The following DSE variants were observed in gnomAD, a reference collection of about 807,000 sequenced individuals.
DSE encodes dermatan-sulfate epimerase.
A neutral mutation model predicts 84.4 loss-of-function variants in DSE; 36 were observed. The ratio of observed to expected loss-of-function variants is 0.43; its 90% CI spans 0.33 to 0.56. The LOEUF (loss-of-function observed/expected upper bound fraction) is 0.56. Ranked by LOEUF, DSE falls within the 20% of genes least tolerant of loss-of-function variation. The pLI is 0.06. For missense variants in DSE, 862 were observed against 1,169.6 expected (o/e 0.74, Z 3.84); for synonymous variants, 410 against 430.1 (o/e 0.95, Z 0.58).
chr6:116,436,815 A>G lies in DSE; in HGVS notation c.2347A>G (p.Lys783Glu), dbSNP rs1784189166. ...TGAACGCCTGCTGAGATTTTCAGATAAGAGACAGACTGAGGAGGCCATTGA... is the reference window on the plus strand; with the variant it reads ...TGAACGCCTGCTGAGATTTTCAGATGAGAGACAGACTGAGGAGGCCATTGA... ...TAERLLRFSD[K>E]RQTEEAIDRI... Residue 783 changes from lysine to glutamate, a missense_variant, in exon 6 of 6, where the codon AAG becomes GAG. Lys to Glu is a moderately conservative substitution (Grantham distance 56). This residue lies in a region of DSE where 315 missense variants were observed against 348.1 expected (regional missense o/e 0.90). Transcript: ENST00000644252. 6 of 1,614,056 alleles carry G rather than the reference A, an allele frequency of 3.7e-6. No homozygotes were observed. The highest frequency in any genetic ancestry group is 4.2e-6 in the Non-Finnish European group (5 of 1,180,030).
chr6:116,346,870 C>A (rs1428915968), intron 2 of DSE, among the ~76,000 whole-genome samples: 1 of 152,052 alleles, frequency 6.6e-6, no homozygotes, highest in Non-Finnish European at 1.5e-5. Flanking sequence ...TCTAGAAAAC[C>A]CCATCATCTC....
In DSE at chr6:116,436,300, A is replaced by G. The variant is rs1784148346; in HGVS notation, c.1832A>G (p.Asp611Gly). ...GVHGAFIRQR[D>G]GLYKMYWMDD... ...CATGGGGCTTTCATCAGGCAGAGAG[A>G]TGGTCTCTATAAAATGTACTGGATG... Residue 611 changes from aspartate to glycine, a missense_variant, in exon 6 of 6, where the codon GAT (aspartate) becomes GGT (glycine). Transcript: ENST00000644252. The G allele has an allele frequency of 1.2e-6, 2 of 1,614,000 alleles. No homozygotes were observed. Among genetic ancestry groups the G allele is most frequent in the Admixed American group, 1.7e-5 (1 of 60,002 alleles).
At chr6:116,280,014 C>T (rs749577337) in intron 2 of DSE, 3 of 778,604 alleles carry the variant, frequency 3.9e-6, no homozygotes, top group Non-Finnish European at 6.6e-6. Context: ...TTCCGCCGCT[C>T]CCTGCCAGCC....
At chr6:116,425,615 TTTTA>T (rs1324492746) in intron 2 of DSE, among the ~76,000 whole-genome samples, 7 of 74,660 alleles carry the variant, frequency 9.4e-5, no homozygotes, top group African/African-American at 2.8e-4. Flanking sequence ...TTTTATTTAT[TTTTA>T]TTTTATTTTA....
intron 2 of DSE, among the ~76,000 whole-genome samples, chr6:116,414,496 T>C (rs929296805): frequency 2.0e-5 from 3 of 152,038 alleles, no homozygotes. Context: ...CACCGCAACC[T>C]CCACCTCCTG....
At chr6:116,341,639 G>A (rs1405748824) in intron 2 of DSE, among the ~76,000 whole-genome samples, 1 of 152,214 alleles carries the variant, frequency 6.6e-6, no homozygotes. Flanking sequence ...TAACATTTAA[G>A]TCTTTAATCC....
upstream of DSE, chr6:116,366,445 T>C (rs1329402045): frequency 6.6e-6 from 1 of 152,242 alleles, no homozygotes; most frequent in African/African-American, 2.4e-5. Flanking sequence ...AATGTTACAC[T>C]CCTTTTGGTC....
chr6:116,436,074 T>G lies in DSE; in HGVS notation c.1606T>G (p.Phe536Val). ...AGCAGAGGAGAAAAATGGGGTGGTT[T>G]TCATCCGAGGAGAAGGTGTGGGAGC... The part of the protein sequence containing the change: ...VAAEEKNGVV[F>V]IRGEGVGAYN... Residue 536 changes from phenylalanine to valine, a missense_variant, in exon 6 of 6, where the codon TTC becomes GTC. Phe to Val is a conservative substitution (Grantham distance 50). This residue lies in a region of DSE where 186 missense variants were observed against 255.1 expected (regional missense o/e 0.73). Coordinates refer to ENST00000644252, the MANE Select transcript of DSE (RefSeq NM_013352.4). The G allele has an allele frequency of 6.2e-7, 1 of 1,613,720 alleles. No homozygotes were observed. Among genetic ancestry groups the G allele is most frequent in the Non-Finnish European group, 8.5e-7 (1 of 1,180,008 alleles).
At chr6:116,287,227 G>T (rs938942025) in intron 2 of DSE, among the ~76,000 whole-genome samples, 4 of 152,016 alleles carry the variant, frequency 2.6e-5, no homozygotes, top group Non-Finnish European at 5.9e-5. Flanking sequence ...ATAGCAGAGA[G>T]GATAGTATTG....
At chr6:116,325,854 G>C (rs537860555) in intron 2 of DSE, among the ~76,000 whole-genome samples, 2 of 152,148 alleles carry the variant, frequency 1.3e-5, no homozygotes, top group African/African-American at 4.8e-5. Flanking sequence ...CTCAAGAGCC[G>C]AGCTCCCTGA....
intron 2 of DSE, chr6:116,259,319 C>T: frequency 2.1e-6 from 1 of 485,026 alleles, no homozygotes; most frequent in East Asian, 3.8e-5. Flanking sequence ...TACCTGTAGA[C>T]TTACCAGTGT....
intron 2 of DSE, among the ~76,000 whole-genome samples, chr6:116,346,638 T>C (rs113085296): frequency 3.3e-5 from 5 of 152,098 alleles, no homozygotes; most frequent in East Asian, 3.9e-4. Flanking sequence ...TAAGAGCTAT[T>C]TATGACAAAC....
At chr6:116,351,084 T>C (rs963572483) in intron 2 of DSE, among the ~76,000 whole-genome samples, 1 of 152,244 alleles carries the variant, frequency 6.6e-6, no homozygotes, top group Non-Finnish European at 1.5e-5. Flanking sequence ...TACATAGTGT[T>C]TAATAGAACA....
At chr6:116,309,710 C>G (rs1389798756) in intron 2 of DSE, among the ~76,000 whole-genome samples, 4 of 152,132 alleles carry the variant, frequency 2.6e-5, no homozygotes, top group Non-Finnish European at 5.9e-5. Context: ...GGCCTTGAAC[C>G]GCAAGATGGT....
chr6:116,279,407 A>G, intron 2 of DSE: 4 of 1,613,174 alleles, frequency 2.5e-6, no homozygotes, highest in Non-Finnish European at 3.4e-6. Flanking sequence ...GTCAGCTCAG[A>G]CGCGGATCTC....
At position 116,297,335 on chromosome 6, in the gene DSE, C is replaced by T. The variant is rs145990723; in HGVS notation, c.-54+38368C>T. ...ATGTTCTACACCATCTCTCAAAGGT[C>T]CCAGCGGGCCCCCATCAGTAACCTG... On this transcript the variant is annotated intron_variant, in intron 2 of 3. Transcript: ENST00000430252. Among the ~76,000 whole-genome samples the T allele has an allele frequency of 7.9e-3, 1,197 of 152,210 alleles. 22 individuals are homozygous for T. The highest frequency in any genetic ancestry group is 0.052 in the South Asian group (251 of 4,822).
chr6:116,436,568 A>T lies in DSE; in HGVS notation c.2100A>T (p.Thr700=). The T allele has an allele frequency of 6.2e-7, 1 of 1,614,184 alleles. No individual in the cohort carries two copies. Among genetic ancestry groups the T allele is most frequent in the Non-Finnish European group, 8.5e-7 (1 of 1,180,026 alleles). Residue 700 remains threonine, a synonymous_variant, in exon 6 of 6, where the codon ACA becomes ACT. Transcript: ENST00000644252. ...ATGCCTACGCCACATACCTGTGGAC[A>T]GGTGAGGCCACAGGACAGTCTGCCT... ...SKHAYATYLW[T]GEATGQSAFA...
At chr6:116,407,274 G>A (rs1230698191) in intron 2 of DSE, among the ~76,000 whole-genome samples, 5 of 152,192 alleles carry the variant, frequency 3.3e-5, no homozygotes, top group African/African-American at 1.2e-4. Flanking sequence ...ATGGCCCTGG[G>A]TGACTGGTTG....
chr6:116,303,327 C>T (rs1343191536), intron 2 of DSE, among the ~76,000 whole-genome samples: 1 of 152,146 alleles, frequency 6.6e-6, no homozygotes, highest in Non-Finnish European at 1.5e-5. Context: ...CCCTTACACA[C>T]TCTTCTTGCA....
Sources: gnomAD v4.1 joint callset for allele counts (sites outside exome capture counted in the v4.1 genomes callset) on GRCh38, gnomAD v4.1.1 for gene constraint, gnomAD v4.1.1 regional missense constraint, MANE v1.5 for transcripts, NCBI Gene and HGNC (gene_info 2026-07-23, HGNC 2026-07-21) for gene names.